PCDHGA4: variants seen among roughly 807,000 people sequenced by gnomAD.
PCDHGA4 encodes the protein protocadherin gamma-A4.
Under a neutral mutation model 54.6 loss-of-function variants are expected in PCDHGA4, and 38 were observed. The observed-to-expected ratio is 0.70, with a 90% confidence interval of 0.54 to 0.91. The LOEUF is 0.91. Ranked by LOEUF, PCDHGA4 falls within the 40% of genes least tolerant of loss-of-function variation. The probability of loss-of-function intolerance (pLI) is 0.00; values close to 1 mark genes in which losing one functional copy is unlikely to be tolerated. For synonymous variants in PCDHGA4, 511 were observed against 512.9 expected (o/e 1.00, Z 0.05); for missense variants, 1,298 against 1,220.9 (o/e 1.06, Z -0.94).
At chr5:141,371,773 A>G (rs148367405) in intron 1 of PCDHGA4, 2 of 1,614,020 alleles carry the variant, frequency 1.2e-6, no homozygotes, top group African/African-American at 1.3e-5. Flanking sequence ...TACACCGTGC[A>G]TGTAGCTGAG....
intron 1 of PCDHGA4, chr5:141,377,100 C>G (rs941685328): frequency 6.6e-6 from 1 of 152,186 alleles, no homozygotes; most frequent in East Asian, 1.9e-4. Context: ...TCTTTTATAT[C>G]AAAAGAATGT....
At chr5:141,413,661 T>G (rs2095664313) in intron 1 of PCDHGA4, 1 of 1,613,886 alleles carries the variant, frequency 6.2e-7, no homozygotes. Flanking sequence ...CGGAAGCTAT[T>G]GATCCGGATG....
intron 1 of PCDHGA4, among the ~76,000 whole-genome samples, chr5:141,455,439 C>T (rs966470257): frequency 1.3e-5 from 2 of 152,126 alleles, no homozygotes; most frequent in East Asian, 1.9e-4. Context: ...AGGAGGTCCC[C>T]ATCTACCGCG....
chr5:141,408,302 C>T (rs1017556555), intron 1 of PCDHGA4: 1 of 1,613,780 alleles, frequency 6.2e-7, no homozygotes, highest in Non-Finnish European at 8.5e-7. Context: ...TGAGCCGATC[C>T]GCTACTCGAT....
chr5:141,487,058 C>T lies in PCDHGA4; in HGVS notation c.2515-7749C>T, dbSNP rs775720601. 23 of 1,613,980 alleles carry T rather than the reference C, an allele frequency of 1.4e-5. No individual in the cohort carries two copies. The highest frequency in any genetic ancestry group is 1.0e-4 in the Admixed American group (6 of 59,996). ...AGTCTCTCGATATGCTGGGGAGGTGCGGACGGCTGTTCCTATCCCAGCTGA... is the reference window on the plus strand; with the variant it reads ...AGTCTCTCGATATGCTGGGGAGGTGTGGACGGCTGTTCCTATCCCAGCTGA... On this transcript the variant is annotated intron_variant, in intron 1 of 3. Transcript: ENST00000571252. The surrounding 1 kb of genome is among the most constrained non-coding windows in gnomAD (Gnocchi z 5.0).
At chr5:141,419,246 GAAAACAACCAGCC>G (rs749331717) in intron 1 of PCDHGA4, 1 of 1,614,004 alleles carries the variant, frequency 6.2e-7, no homozygotes, top group South Asian at 1.1e-5. Flanking sequence ...CCACGTGCCA[GAAAACAACCAGCC>G]GGGTGCCTCC....
In PCDHGA4 at chr5:141,490,378, G is replaced by A; in HGVS notation, c.2515-4429G>A. On this transcript the variant is annotated intron_variant, in intron 1 of 3. Transcript: ENST00000571252. The surrounding 1 kb of genome is among the most constrained non-coding windows in gnomAD (Gnocchi z 5.4). The stretch of plus-strand genomic sequence containing the variant: ...GTTTAATGTGCGAGACCGGGACTCA[G>A]GTAGAAATGGTGAAGTGAGCCTTGA... 1 of 1,614,214 alleles carries A rather than the reference G, an allele frequency of 6.2e-7. No homozygotes were observed. The highest frequency in any genetic ancestry group is 1.1e-5 in the South Asian group (1 of 91,086).
At chr5:141,502,082 G>A (rs538827992) in intron 2 of PCDHGA4, among the ~76,000 whole-genome samples, 1 of 152,252 alleles carries the variant, frequency 6.6e-6, no homozygotes, top group Non-Finnish European at 1.5e-5. Flanking sequence ...ACCTGGGGCT[G>A]AGAACACCTG....
chr5:141,365,714 A>G (rs1764072437), intron 1 of PCDHGA4: 1 of 1,613,646 alleles, frequency 6.2e-7, no homozygotes, highest in Non-Finnish European at 8.5e-7. Flanking sequence ...CACCTCTGTC[A>G]CAGAAAACAA....
rs1009141449 is a variant in PCDHGA4, at chr5:141,491,922, G to A, written c.2515-2885G>A. 2 of 1,349,026 alleles carry A rather than the reference G, an allele frequency of 1.5e-6. No individual in the cohort carries two copies. Among genetic ancestry groups the A allele is most frequent in the African/African-American group, 1.5e-5 (1 of 67,598 alleles). The allele number at this position is 1,349,026 out of a possible 1,614,324, so 83.6% of individuals were successfully genotyped here. On this transcript the variant is annotated intron_variant, in intron 1 of 3. Coordinates refer to ENST00000571252, the MANE Select transcript of PCDHGA4 (RefSeq NM_018917.4). The surrounding 1 kb of genome is among the most constrained non-coding windows in gnomAD (Gnocchi z 6.9). ...CGGGGGTGGTGGCGACTGTGGGCGAGGGGAGGTGGGACCGACCCCCACCCC... is the reference window on the plus strand; with the variant it reads ...CGGGGGTGGTGGCGACTGTGGGCGAAGGGAGGTGGGACCGACCCCCACCCC...
chr5:141,421,578 T>G, intron 1 of PCDHGA4: 1 of 1,613,886 alleles, frequency 6.2e-7, no homozygotes, highest in Non-Finnish European at 8.5e-7. Flanking sequence ...CCTTGAAGAT[T>G]TACGGAGTGG....
At chr5:141,373,996 C>A in intron 1 of PCDHGA4, 1 of 1,266,244 alleles carries the variant, frequency 7.9e-7, no homozygotes, top group South Asian at 2.2e-5. Context: ...TGTTGAAGGA[C>A]CTTCACCGCT....
intron 1 of PCDHGA4, among the ~76,000 whole-genome samples, chr5:141,401,503 C>T (rs755118621): frequency 6.6e-6 from 1 of 151,946 alleles, no homozygotes; most frequent in Non-Finnish European, 1.5e-5. Context: ...AATCCTTTTC[C>T]ACCTCTATAT....
rs2099410057 is a variant in PCDHGA4, at chr5:141,477,370, G to C, written c.2515-17437G>C. The C allele has an allele frequency of 6.2e-7, 1 of 1,614,054 alleles. No homozygotes were observed. On this transcript the variant is annotated intron_variant, in intron 1 of 3. Coordinates refer to ENST00000571252, the MANE Select transcript of PCDHGA4 (RefSeq NM_018917.4). This position sits in a 1 kb window ranked among gnomAD's most constrained non-coding sequence, Gnocchi z 4.9. The stretch of plus-strand genomic sequence containing the variant: ...AAACCAGTGCAGACCTGGATCGGGA[G>C]ACTGTGCCAGAATACAACCTCAGCA...
chr5:141,379,388 A>G (rs1218956688), intron 1 of PCDHGA4: 1 of 152,228 alleles, frequency 6.6e-6, no homozygotes, highest in Non-Finnish European at 1.5e-5. Flanking sequence ...AACAATTTTA[A>G]ACAACTTGAA....
chr5:141,374,395 G>A, intron 1 of PCDHGA4: 1 of 1,614,050 alleles, frequency 6.2e-7, no homozygotes, highest in South Asian at 1.1e-5. Context: ...GGTGTCTGGT[G>A]AGTTTTAACA....
intron 1 of PCDHGA4, among the ~76,000 whole-genome samples, chr5:141,474,672 T>C (rs1203448521): frequency 2.0e-5 from 3 of 152,228 alleles, no homozygotes; most frequent in Non-Finnish European, 4.4e-5. Flanking sequence ...ACCTAACCTA[T>C]GTGCCTACCC....
chr5:141,399,465 G>C (rs770080703), intron 1 of PCDHGA4: 20 of 1,614,014 alleles, frequency 1.2e-5, no homozygotes, highest in Non-Finnish European at 1.7e-5. Flanking sequence ...ATAACGCTCC[G>C]GTTTTCCACC....
At chr5:141,357,966 G>A (rs1480314372) in intron 1 of PCDHGA4, among the ~76,000 whole-genome samples, 1 of 152,168 alleles carries the variant, frequency 6.6e-6, no homozygotes, top group African/African-American at 2.4e-5. Flanking sequence ...GAGGAGGACG[G>A]ATTGCCTGAG....
Sources: allele counts gnomAD v4.1 joint callset (sites outside exome capture counted in the v4.1 genomes callset), GRCh38; gene constraint gnomAD v4.1.1; non-coding constraint Gnocchi (gnomAD v3.1); transcripts MANE v1.5; gene names NCBI Gene and HGNC (gene_info 2026-07-23, HGNC 2026-07-21).